The following NPAS3 variants were observed in gnomAD, a reference collection of about 807,000 sequenced individuals.
NPAS3 encodes neuronal PAS domain protein 3, also known as neuronal PAS domain-containing protein 3.
A neutral mutation model predicts 73.1 loss-of-function variants in NPAS3; 14 were observed. That is an observed-to-expected ratio of 0.19 (90% confidence interval 0.13 to 0.30). The LOEUF (loss-of-function observed/expected upper bound fraction) is 0.30. Among genes scored for constraint, NPAS3 ranks in the 10% least tolerant of loss-of-function variants. The pLI, the probability that NPAS3 is intolerant of heterozygous loss-of-function variation, is 1.00. For missense variants in NPAS3, 1,096 were observed against 1,250.0 expected, an observed-to-expected ratio of 0.88 and a Z score of 1.86; for synonymous variants, 620 against 541.5, an observed-to-expected ratio of 1.14 and a Z score of -2.01.
At chr14:33,783,282 G>T (rs1204502139) in intron 9 of NPAS3, among the ~76,000 whole-genome samples, 1 of 152,124 alleles carries the variant, frequency 6.6e-6, no homozygotes, top group East Asian at 1.9e-4. Context: ...CAGATAGCAC[G>T]GGGGACTTTT....
At chr14:33,480,467 C>T (rs2051261036) in intron 4 of NPAS3, among the ~76,000 whole-genome samples, 1 of 151,856 alleles carries the variant, frequency 6.6e-6, no homozygotes, top group African/African-American at 2.4e-5. Flanking sequence ...GAAGAACTTC[C>T]AAGGCAGTGA....
Position 33,060,256 on chromosome 14 carries a change from A to G in NPAS3, c.140+4262A>G, listed in dbSNP as rs140057372. ...AAAACTTAAGTTGCAATTCAGCCAT[A>G]TAGTTGGACACTGCCATAGAGGGAT... On this transcript the variant is annotated intron_variant, in intron 2 of 11. Coordinates refer to ENST00000356141, the Ensembl canonical transcript of NPAS3. 3.9e-3 allele frequency among the ~76,000 whole-genome samples: 599 copies of G among 152,326 alleles called. 3 individuals carry two copies. Among genetic ancestry groups the G allele is most frequent in the African/African-American group, 0.012 (499 of 41,568 alleles).
At chr14:33,514,052 T>C (rs371239573) in intron 4 of NPAS3, among the ~76,000 whole-genome samples, 2 of 152,022 alleles carry the variant, frequency 1.3e-5, no homozygotes, top group East Asian at 3.9e-4. Flanking sequence ...AGGTCACAAG[T>C]GAAATGAGTT....
chr14:33,424,176 C>G (rs1025713120), intron 4 of NPAS3, among the ~76,000 whole-genome samples: 2 of 151,908 alleles, frequency 1.3e-5, no homozygotes, highest in Non-Finnish European at 2.9e-5. Context: ...GATACTCAAG[C>G]TGAAATCCAA....
At chr14:33,137,555 A>G (rs1392405353) in intron 2 of NPAS3, among the ~76,000 whole-genome samples, 1 of 152,178 alleles carries the variant, frequency 6.6e-6, no homozygotes, top group Non-Finnish European at 1.5e-5. Context: ...GTGAGTACAA[A>G]TGGGTACATA....
intron 7 of NPAS3, among the ~76,000 whole-genome samples, chr14:33,756,716 A>T (rs1225395817): frequency 6.6e-6 from 1 of 152,244 alleles, no homozygotes. Flanking sequence ...CAGTAGATAG[A>T]TGTAGCATCT....
At chr14:33,733,860 A>T (rs1170970797) in intron 6 of NPAS3, among the ~76,000 whole-genome samples, 1 of 152,184 alleles carries the variant, frequency 6.6e-6, no homozygotes, top group African/African-American at 2.4e-5. Flanking sequence ...AAATGCCACA[A>T]AAATAGGAAA....
At chr14:33,113,941 T>C (rs2042978950) in intron 2 of NPAS3, among the ~76,000 whole-genome samples, 1 of 152,250 alleles carries the variant, frequency 6.6e-6, no homozygotes, top group Non-Finnish European at 1.5e-5. Flanking sequence ...GTTTTTGTCA[T>C]TGGTTCTGTT....
chr14:33,284,481 G>A (rs1325632327), intron 3 of NPAS3, among the ~76,000 whole-genome samples: 1 of 152,118 alleles, frequency 6.6e-6, no homozygotes, highest in African/African-American at 2.4e-5. Context: ...GTCAGTATGA[G>A]TATGATACTA....
chr14:33,112,030 T>A (rs982954030), intron 2 of NPAS3, among the ~76,000 whole-genome samples: 1 of 152,218 alleles, frequency 6.6e-6, no homozygotes, highest in South Asian at 2.1e-4. Flanking sequence ...TAGTATTCCA[T>A]GGTGTATATA....
intron 4 of NPAS3, among the ~76,000 whole-genome samples, chr14:33,443,975 G>C (rs1023687326): frequency 2.0e-5 from 3 of 152,166 alleles, no homozygotes; most frequent in South Asian, 4.1e-4. Context: ...CTGTGGTACT[G>C]GATCTTTTGA....
chr14:33,655,371 CTT>C lies in NPAS3; in HGVS notation c.559-20837_559-20836del, dbSNP rs1205581209. Among the ~76,000 whole-genome samples, 7 of 94,712 alleles carry C rather than the reference CTT, an allele frequency of 7.4e-5. 1 individual carries two copies. The highest frequency in any genetic ancestry group is 8.5e-5 in the African/African-American group (2 of 23,500). 62.1% of individuals were successfully genotyped at this position (94,712 alleles called of 152,430 possible). On this transcript the variant is annotated intron_variant, in intron 5 of 11. Transcript: ENST00000356141. ...TTTTTTTTTTAACAGCAAGTGAACT[CTT>C]TTGCTTTTCCCAGATAAATCCAAGC...
intron 4 of NPAS3, among the ~76,000 whole-genome samples, chr14:33,511,243 A>G (rs1399363962): frequency 6.6e-6 from 1 of 152,002 alleles, no homozygotes; most frequent in African/African-American, 2.4e-5. Context: ...TTCAAATCCA[A>G]ATGCATTATC....
intron 1 of NPAS3, among the ~76,000 whole-genome samples, chr14:33,021,580 G>A (rs764580044): frequency 1.3e-5 from 2 of 152,046 alleles, no homozygotes; most frequent in African/African-American, 2.4e-5. Flanking sequence ...TCACATGTGT[G>A]CACCCACCCC....
intron 2 of NPAS3, among the ~76,000 whole-genome samples, chr14:33,150,596 A>G (rs1371024642): frequency 1.3e-5 from 2 of 152,240 alleles, no homozygotes; most frequent in African/African-American, 4.8e-5. Flanking sequence ...ACGTAAAGTT[A>G]TAAAATTTTG....
chr14:33,198,502 A>G (rs986282957), intron 2 of NPAS3, among the ~76,000 whole-genome samples: 3 of 152,204 alleles, frequency 2.0e-5, no homozygotes, highest in Admixed American at 2.0e-4. Context: ...CAGATTAACT[A>G]GACACAGAGC....
intron 5 of NPAS3, among the ~76,000 whole-genome samples, chr14:33,654,915 G>A (rs1032790182): frequency 6.6e-6 from 1 of 152,182 alleles, no homozygotes; most frequent in African/African-American, 2.4e-5. Flanking sequence ...TAAATTGGAG[G>A]AAACTTAAAA....
At chr14:33,613,147 G>T (rs2057802647) in intron 5 of NPAS3, among the ~76,000 whole-genome samples, 1 of 152,166 alleles carries the variant, frequency 6.6e-6, no homozygotes, top group South Asian at 2.1e-4. Context: ...AAGACAGAGA[G>T]ATTGAGTAGC....
chr14:33,303,873 C>T (rs2042650580), intron 3 of NPAS3, among the ~76,000 whole-genome samples: 1 of 152,194 alleles, frequency 6.6e-6, no homozygotes, highest in Non-Finnish European at 1.5e-5. Flanking sequence ...ATTTACAGGA[C>T]AGAAACATAG....
Sources: allele counts gnomAD v4.1 joint callset (sites outside exome capture counted in the v4.1 genomes callset), GRCh38; gene constraint gnomAD v4.1.1; transcripts MANE v1.5; gene names NCBI Gene and HGNC (gene_info 2026-07-23, HGNC 2026-07-21).